The following SOX6 variants were observed in gnomAD, a reference collection of about 807,000 sequenced individuals.
SOX6 encodes transcription factor SOX-6.
SOX6 carries 11 observed loss-of-function variants against 97.8 expected under a neutral mutation model. That is an observed-to-expected ratio of 0.11 (90% CI 0.07 to 0.19). SOX6 has a LOEUF of 0.19. SOX6 is among the 10% of genes least tolerant of loss of function. The pLI, the probability that SOX6 is intolerant of heterozygous loss-of-function variation, is 1.00. For synonymous variants in SOX6, 360 were observed against 371.4 expected (o/e 0.97, Z 0.35); for missense variants, 810 against 1,039.5 (o/e 0.78, Z 3.04).
chr11:16,583,620 T>TATATATATATAC (rs1848057779), intron 4 of SOX6, among the ~76,000 whole-genome samples: 1 of 136,960 alleles, frequency 7.3e-6, no homozygotes, highest in Non-Finnish European at 1.6e-5. Context: ...TATACATATA[T>TATATATATATAC]ATATATATAT....
intron 4 of SOX6, among the ~76,000 whole-genome samples, chr11:16,190,750 A>C (rs1053065517): frequency 6.6e-6 from 1 of 152,166 alleles, no homozygotes; most frequent in Non-Finnish European, 1.5e-5. Flanking sequence ...ACCATACAAT[A>C]GCTTATATTC....
intron 13 of SOX6, among the ~76,000 whole-genome samples, chr11:16,004,937 T>A (rs1408938732): frequency 6.6e-6 from 1 of 152,080 alleles, no homozygotes; most frequent in Non-Finnish European, 1.5e-5. Flanking sequence ...GCAGCATCTT[T>A]GTGAGAAATA....
intron 6 of SOX6, among the ~76,000 whole-genome samples, chr11:16,150,798 T>C (rs943668128): frequency 1.3e-5 from 2 of 152,204 alleles, no homozygotes; most frequent in Non-Finnish European, 2.9e-5. Context: ...TTAAATTGTG[T>C]ATGACTTTAT....
chr11:16,470,675 A>G (rs1860126736), intron 1 of SOX6, among the ~76,000 whole-genome samples: 1 of 152,158 alleles, frequency 6.6e-6, no homozygotes, highest in African/African-American at 2.4e-5. Flanking sequence ...GTGATCAAAA[A>G]CAAAAGAGAG....
At chr11:16,481,478 C>T (rs1860343194) in intron 4 of SOX6, among the ~76,000 whole-genome samples, 1 of 152,076 alleles carries the variant, frequency 6.6e-6, no homozygotes, top group African/African-American at 2.4e-5. Flanking sequence ...CTTCCTTCCT[C>T]AAAGAAATAG....
intron 1 of SOX6, among the ~76,000 whole-genome samples, chr11:16,411,898 GA>G (rs1281394468): frequency 1.3e-5 from 2 of 152,098 alleles, no homozygotes; most frequent in Non-Finnish European, 2.9e-5. Flanking sequence ...ATACATTAAT[GA>G]AAAGGATTAA....
At chr11:16,014,629 T>G (rs955019167) in intron 13 of SOX6, among the ~76,000 whole-genome samples, 5 of 152,098 alleles carry the variant, frequency 3.3e-5, no homozygotes, top group African/African-American at 1.2e-4. Flanking sequence ...TGCAGTGAGA[T>G]GGATGAAACA....
At chr11:16,118,885 TA>T (rs1240214460) in intron 6 of SOX6, among the ~76,000 whole-genome samples, 1 of 152,180 alleles carries the variant, frequency 6.6e-6, no homozygotes, top group Non-Finnish European at 1.5e-5. Flanking sequence ...AATAATTCCT[TA>T]TGTGATTTAA....
chr11:16,688,502 T>C (rs928196072), intron 3 of SOX6, among the ~76,000 whole-genome samples: 11 of 152,218 alleles, frequency 7.2e-5, no homozygotes, highest in African/African-American at 2.4e-4. Flanking sequence ...TGAGTTTCTA[T>C]TATTATGTTA....
At chr11:16,410,878 ATTGTT>A (rs1858795641) in intron 1 of SOX6, among the ~76,000 whole-genome samples, 1 of 151,194 alleles carries the variant, frequency 6.6e-6, no homozygotes, top group African/African-American at 2.4e-5. Context: ...CTTTTTTCTT[ATTGTT>A]TTAACATAAC....
intron 1 of SOX6, among the ~76,000 whole-genome samples, chr11:16,420,618 C>A (rs1247533532): frequency 6.6e-6 from 1 of 152,164 alleles, no homozygotes; most frequent in Non-Finnish European, 1.5e-5. Flanking sequence ...AGATTTCTCA[C>A]AAACTAGTTT....
intron 4 of SOX6, among the ~76,000 whole-genome samples, chr11:16,519,411 C>T (rs962874224): frequency 1.3e-5 from 2 of 152,132 alleles, no homozygotes; most frequent in African/African-American, 4.8e-5. Flanking sequence ...CACATGTACT[C>T]ATCATTTTGA....
At chr11:16,355,467 T>C (rs1857047733) in intron 1 of SOX6, among the ~76,000 whole-genome samples, 1 of 152,068 alleles carries the variant, frequency 6.6e-6, no homozygotes. Context: ...TTTCAATACA[T>C]AGTTATAGCA....
chr11:16,049,718 T>A, intron 11 of SOX6, 37 bp downstream of exon 11: 1 of 1,611,156 alleles, frequency 6.2e-7, no homozygotes, highest in African/African-American at 1.3e-5. Flanking sequence ...TTTACCTAAT[T>A]CGTAAGTCTC....
At chr11:16,331,826 G>A (rs1195905966) in intron 2 of SOX6, among the ~76,000 whole-genome samples, 1 of 152,120 alleles carries the variant, frequency 6.6e-6, no homozygotes, top group East Asian at 1.9e-4. Flanking sequence ...TCCTCACAAT[G>A]TCTGGAAGCT....
chr11:16,500,210 C>T (rs1254022580), intron 4 of SOX6, among the ~76,000 whole-genome samples: 2 of 152,118 alleles, frequency 1.3e-5, no homozygotes, highest in East Asian at 3.8e-4. Context: ...TGACAAAAAC[C>T]AAATGATTAC....
chr11:16,044,950 A>ATCTATCTG (rs1346662159), intron 12 of SOX6, among the ~76,000 whole-genome samples: 19 of 145,676 alleles, frequency 1.3e-4, no homozygotes, highest in African/African-American at 4.4e-4. Context: ...TTATCTATCT[A>ATCTATCTG]TCTATCTGTC....
intron 4 of SOX6, among the ~76,000 whole-genome samples, chr11:16,550,313 T>C (rs1332323992): frequency 1.3e-5 from 2 of 151,864 alleles, no homozygotes; most frequent in Non-Finnish European, 2.9e-5. Flanking sequence ...CCAGGGCCTG[T>C]CTTGGGGTTG....
intron 4 of SOX6, among the ~76,000 whole-genome samples, chr11:16,504,212 C>G (rs1860750644): frequency 6.6e-6 from 1 of 152,072 alleles, no homozygotes; most frequent in Non-Finnish European, 1.5e-5. Flanking sequence ...TTTCACCACT[C>G]CTATTCAACA....
Sources: gnomAD v4.1 joint callset for allele counts (sites outside exome capture counted in the v4.1 genomes callset) on GRCh38, gnomAD v4.1.1 for gene constraint, MANE v1.5 for transcripts, NCBI Gene and HGNC (gene_info 2026-07-23, HGNC 2026-07-21) for gene names.